Variants in UST observed in about 807,000 individuals in gnomAD.
UST encodes chondroitin sulfate 2-O-sulfotransferase.
A neutral mutation model predicts 45.6 loss-of-function variants in UST; 21 were observed. The ratio of observed to expected loss-of-function variants is 0.46; its 90% CI spans 0.33 to 0.66. The LOEUF (loss-of-function observed/expected upper bound fraction) is 0.66. Ranked by LOEUF, UST falls within the 30% of genes least tolerant of loss-of-function variation. The pLI, the probability that UST is intolerant of heterozygous loss-of-function variation, is 0.02. For synonymous variants in UST, 215 were observed against 200.6 expected, an observed-to-expected ratio of 1.07 and a Z score of -0.61; for missense variants, 463 against 512.4, an observed-to-expected ratio of 0.90 and a Z score of 0.93.
At chr6:148,949,395 AAAT>A (rs71007932) in intron 3 of UST, among the ~76,000 whole-genome samples, 8,062 of 136,706 alleles carry the variant, frequency 0.059, 277 homozygotes, top group African/African-American at 0.085. Context: ...CTTTGTCTCA[AAAT>A]AATAATAATA....
At chr6:148,782,243 G>A (rs1467141095) in intron 1 of UST, among the ~76,000 whole-genome samples, 2 of 147,472 alleles carry the variant, frequency 1.4e-5, no homozygotes, top group African/African-American at 4.9e-5. Context: ...AAGAACATTT[G>A]TCATTCATGG....
chr6:148,820,588 TG>T (rs201213915), intron 1 of UST, among the ~76,000 whole-genome samples: 2,145 of 152,208 alleles, frequency 0.014, 48 homozygotes, highest in African/African-American at 0.049. Context: ...CGGTGGCTCA[TG>T]CCTGTGATCC....
At chr6:148,920,289 G>A (rs1049430068) in intron 2 of UST, among the ~76,000 whole-genome samples, 15 of 145,238 alleles carry the variant, frequency 1.0e-4, no homozygotes, top group African/African-American at 3.7e-4. Context: ...TTGACCTTTA[G>A]AGGACACATT....
At chr6:148,747,998 G>A (rs891343640) in intron 1 of UST, among the ~76,000 whole-genome samples, 4 of 152,334 alleles carry the variant, frequency 2.6e-5, no homozygotes, top group East Asian at 1.9e-4. Flanking sequence ...GGTGTGTGGG[G>A]TGTGCCGGAG....
At chr6:148,861,056 G>T (rs914665921) in intron 1 of UST, among the ~76,000 whole-genome samples, 2 of 152,180 alleles carry the variant, frequency 1.3e-5, no homozygotes, top group Non-Finnish European at 2.9e-5. Context: ...GACTGGACTA[G>T]TTTCAGAAGG....
At chr6:148,891,682 A>C (rs557700663) in intron 2 of UST, among the ~76,000 whole-genome samples, 1 of 152,268 alleles carries the variant, frequency 6.6e-6, no homozygotes, top group African/African-American at 2.4e-5. Flanking sequence ...AAATACAATA[A>C]TTTTCTACCT....
intron 6 of UST, among the ~76,000 whole-genome samples, 181 bp from the exon 7 acceptor site, chr6:149,021,143 G>A (rs1322910515): frequency 6.6e-6 from 1 of 152,158 alleles, no homozygotes; most frequent in African/African-American, 2.4e-5. Flanking sequence ...GAGCAGGGCA[G>A]GACACCAGTT....
intron 2 of UST, among the ~76,000 whole-genome samples, chr6:148,920,824 C>A (rs1779689778): frequency 6.6e-6 from 1 of 152,340 alleles, no homozygotes; most frequent in South Asian, 2.1e-4. Flanking sequence ...CTTGTGATTT[C>A]TTGCCTGCTC....
intron 2 of UST, among the ~76,000 whole-genome samples, chr6:148,900,305 G>A (rs768791997): frequency 2.8e-4 from 42 of 152,044 alleles, no homozygotes; most frequent in Admixed American, 1.3e-4. Flanking sequence ...CTTCTGTATC[G>A]ATATGGTTTG....
At chr6:148,990,921 A>G (rs1000344442) in intron 5 of UST, among the ~76,000 whole-genome samples, 2 of 152,158 alleles carry the variant, frequency 1.3e-5, no homozygotes, top group Admixed American at 1.3e-4. Flanking sequence ...TCAAGAAAAT[A>G]TTGGCTAAGC....
chr6:148,900,671 A>G (rs144659370), intron 2 of UST, among the ~76,000 whole-genome samples: 2 of 152,234 alleles, frequency 1.3e-5, no homozygotes, highest in East Asian at 1.9e-4. Context: ...ATTCACTCCT[A>G]TTTCCTGCAT....
chr6:148,942,562 A>G (rs1020547144), intron 3 of UST, among the ~76,000 whole-genome samples: 6 of 152,140 alleles, frequency 3.9e-5, no homozygotes, highest in Admixed American at 2.6e-4. Context: ...GTCTCAATAA[A>G]TAAATAATAA....
At chr6:148,909,118 AAAT>A (rs1032387868) in intron 2 of UST, among the ~76,000 whole-genome samples, 3 of 149,552 alleles carry the variant, frequency 2.0e-5, no homozygotes, top group Non-Finnish European at 4.5e-5. Context: ...TTTTTATTGG[AAAT>A]AATATTTATC....
intron 7 of UST, among the ~76,000 whole-genome samples, chr6:149,070,351 C>G (rs1197842987): frequency 6.6e-6 from 1 of 152,220 alleles, no homozygotes; most frequent in Non-Finnish European, 1.5e-5. Flanking sequence ...GAGTTCATAT[C>G]TTCAGAGAAG....
In UST at chr6:148,997,541, T is replaced by G. The variant is rs574790174; in HGVS notation, c.682-21598T>G. 4.0e-3 allele frequency among the ~76,000 whole-genome samples: 610 copies of G among 152,284 alleles called. 4 individuals are homozygous for G. Among genetic ancestry groups the G allele is most frequent in the African/African-American group, 0.011 (451 of 41,560 alleles). ...AAAAATTGAGCTTCCTTACAGAATG[T>G]TCTCTAATATTTTTATTATATGCAG... On this transcript the variant is annotated intron_variant, in intron 5 of 7. Coordinates refer to ENST00000367463, the MANE Select transcript of UST (RefSeq NM_005715.3).
chr6:148,954,603 G>A (rs2114941298), intron 4 of UST, among the ~76,000 whole-genome samples: 1 of 152,318 alleles, frequency 6.6e-6, no homozygotes, highest in South Asian at 2.1e-4. Flanking sequence ...CTACAGCATA[G>A]TTACGCAGTA....
chr6:148,890,240 A>C (rs144482505), intron 2 of UST, among the ~76,000 whole-genome samples: 49 of 152,280 alleles, frequency 3.2e-4, no homozygotes, highest in African/African-American at 1.2e-3. Context: ...GCAGGGTGGA[A>C]ATGAATCTCA....
At chr6:148,962,457 G>C (rs565174874) in intron 4 of UST, among the ~76,000 whole-genome samples, 6 of 152,214 alleles carry the variant, frequency 3.9e-5, no homozygotes, top group Non-Finnish European at 7.3e-5. Context: ...GTCTAATTAG[G>C]TGCATATTTG....
chr6:148,981,579 C>G (rs1409591540), intron 5 of UST, among the ~76,000 whole-genome samples: 1 of 152,168 alleles, frequency 6.6e-6, no homozygotes, highest in African/African-American at 2.4e-5. Context: ...GGGAACTTTC[C>G]TGTCTTTTTC....
Sources: gnomAD v4.1 joint callset for allele counts (sites outside exome capture counted in the v4.1 genomes callset) on GRCh38, gnomAD v4.1.1 for gene constraint, MANE v1.5 for transcripts, NCBI Gene and HGNC (gene_info 2026-07-23, HGNC 2026-07-21) for gene names.